HDLBP: variants seen among roughly 807,000 people sequenced by gnomAD.
The protein encoded by HDLBP is high density lipoprotein binding protein, also known as vigilin.
HDLBP carries 30 observed loss-of-function variants against 137.3 expected under a neutral mutation model. That is an observed-to-expected ratio of 0.22 (90% confidence interval 0.16 to 0.30). HDLBP has a LOEUF of 0.30. HDLBP is among the 10% of genes least tolerant of loss of function. The probability of loss-of-function intolerance (pLI) is 1.00; values close to 1 mark genes in which losing one functional copy is unlikely to be tolerated. For missense variants in HDLBP, 1,119 were observed against 1,667.3 expected (o/e 0.67, Z 5.73); for synonymous variants, 606 against 596.0 (o/e 1.02, Z -0.24).
At position 241,239,533 on chromosome 2, in the gene HDLBP, A is replaced by C; in HGVS notation, c.2610+69T>G. The C allele has an allele frequency of 7.8e-7, 1 of 1,287,572 alleles. No homozygotes were observed. The allele number at this position is 1,287,572 out of a possible 1,614,324, so 79.8% of individuals were successfully genotyped here. A position where few individuals can be genotyped will look rare whatever the true frequency, so the allele number is the denominator to read the frequency against. On this transcript the variant is annotated intron_variant, in intron 19 of 27. Coordinates refer to ENST00000310931, the MANE Select transcript of HDLBP (RefSeq NM_005336.6). The surrounding 1 kb of genome is among the most constrained non-coding windows in gnomAD (Gnocchi z 4.6). The stretch of plus-strand genomic sequence containing the variant: ...CACCTCCCTACAGGGTGGAGCGAAC[A>C]CTCATACACGGCTTCGGTGAGTGGC...
intron 1 of HDLBP, among the ~76,000 whole-genome samples, chr2:241,294,305 G>A (rs1428283143): frequency 6.6e-6 from 1 of 152,126 alleles, no homozygotes; most frequent in Non-Finnish European, 1.5e-5. Context: ...CCATGCAGCT[G>A]AGCCATTCTA....
chr2:241,257,505 G>A (rs772276765), intron 5 of HDLBP, among the ~76,000 whole-genome samples: 13 of 152,068 alleles, frequency 8.5e-5, no homozygotes, highest in South Asian at 2.1e-4. Flanking sequence ...TGCTGGGATT[G>A]CAGGTGTGAG....
chr2:241,230,020 C>G lies in HDLBP; in HGVS notation c.3592-59G>C. The G allele has an allele frequency of 6.4e-7, 1 of 1,574,570 alleles. No individual in the cohort carries two copies. The highest frequency in any genetic ancestry group is 8.6e-7 in the Non-Finnish European group (1 of 1,158,424). Reference sequence around the variant, plus strand: ...TGCCCAGCACCCCCAGCATCCCGCCCGCCTGCTCACCCCTGCACCTCGCCT... The same window carrying G: ...TGCCCAGCACCCCCAGCATCCCGCCGGCCTGCTCACCCCTGCACCTCGCCT... On this transcript the variant is annotated intron_variant, in intron 26 of 27. Coordinates refer to ENST00000310931, the MANE Select transcript of HDLBP (RefSeq NM_005336.6). This position sits in a 1 kb window ranked among gnomAD's most constrained non-coding sequence, Gnocchi z 5.0.
chr2:241,292,004 G>C (rs577130386), intron 1 of HDLBP, among the ~76,000 whole-genome samples: 5 of 152,292 alleles, frequency 3.3e-5, no homozygotes, highest in African/African-American at 1.2e-4. Context: ...CAATAGGAAA[G>C]TAATACACCA....
chr2:241,237,043 T>C (rs2070618200), intron 20 of HDLBP, among the ~76,000 whole-genome samples: 1 of 150,676 alleles, frequency 6.6e-6, no homozygotes, highest in Non-Finnish European at 1.5e-5. Context: ...GTCTCCCTTC[T>C]TCACCTTGAA....
At position 241,295,714 on chromosome 2, in the gene HDLBP, A is replaced by T. The variant is rs113559443; in HGVS notation, c.-103+19856T>A. 9.6e-4 allele frequency among the ~76,000 whole-genome samples: 146 copies of T among 152,312 alleles called. 2 individuals carry two copies. Among genetic ancestry groups the T allele is most frequent in the African/African-American group, 3.1e-3 (127 of 41,564 alleles). ...CTTTTCAGATGACATTAAGTGAAAG[A>T]TACTAAGATGAGGAGATGATCCTGG... On this transcript the variant is annotated intron_variant, in intron 1 of 27. Transcript: ENST00000310931.
Position 241,242,503 on chromosome 2 carries a change from A to C in HDLBP, c.2126T>G (p.Val709Gly). The part of the protein sequence containing the change: ...TVVIRGPSSD[V>G]EKAKKQLLHL... The stretch of plus-strand genomic sequence containing the variant: ...CAGGAGCTGCTTCTTGGCCTTCTCC[A>C]CATCCGAGGAAGGGCCCCTGATAAC... Residue 709 changes from valine (V) to glycine (G), a missense_variant, in exon 17 of 28, where the codon GTG becomes GGG. Physicochemically the swap from Val to Gly is moderately radical, Grantham distance 109 (BLOSUM62 -3). Transcript: ENST00000310931. 1 of 1,614,000 alleles carries C rather than the reference A, an allele frequency of 6.2e-7. No individual in the cohort carries two copies. The highest frequency in any genetic ancestry group is 2.2e-5 in the East Asian group (1 of 44,888).
chr2:241,238,859 CT>C lies in HDLBP; in HGVS notation c.2611-73del. On this transcript the variant is annotated intron_variant, in intron 19 of 27. Coordinates refer to ENST00000310931, the MANE Select transcript of HDLBP (RefSeq NM_005336.6). This position sits in a 1 kb window ranked among gnomAD's most constrained non-coding sequence, Gnocchi z 4.9. ...TCCTTAGGGCAAGTTTTACAGCACTCTTCACACCACCTTCCTCCCTGTCCTC... is the reference window on the plus strand; with the variant it reads ...TCCTTAGGGCAAGTTTTACAGCACTCTCACACCACCTTCCTCCCTGTCCTC... 8.0e-7 allele frequency: 1 copy of C among 1,253,144 alleles called. No homozygotes were observed. Among genetic ancestry groups the C allele is most frequent in the South Asian group, 1.7e-5 (1 of 57,660 alleles). The allele number at this position is 1,253,144 out of a possible 1,614,324, so 77.6% of individuals were successfully genotyped here.
intron 1 of HDLBP, chr2:241,273,320 C>A: frequency 1.2e-6 from 1 of 825,414 alleles, no homozygotes; most frequent in Non-Finnish European, 1.5e-6. Context: ...ATAAACTATC[C>A]CCACCCGATT....
At chr2:241,280,708 C>T (rs2074563979) in intron 1 of HDLBP, among the ~76,000 whole-genome samples, 1 of 152,178 alleles carries the variant, frequency 6.6e-6, no homozygotes, top group Non-Finnish European at 1.5e-5. Flanking sequence ...GAATCTTGCT[C>T]AGATATAATT....
chr2:241,308,944 C>A (rs1024389762), intron 1 of HDLBP, among the ~76,000 whole-genome samples: 2 of 152,194 alleles, frequency 1.3e-5, no homozygotes, highest in African/African-American at 4.8e-5. Context: ...GTCTCCTACA[C>A]CCTCTGGTCC....
At chr2:241,285,545 C>T (rs1358944348) in intron 1 of HDLBP, among the ~76,000 whole-genome samples, 1 of 152,208 alleles carries the variant, frequency 6.6e-6, no homozygotes, top group East Asian at 1.9e-4. Context: ...GCCCTGAACA[C>T]CGATCCCCAC....
intron 12 of HDLBP, chr2:241,249,470 G>T: frequency 2.0e-6 from 1 of 489,592 alleles, no homozygotes; most frequent in Non-Finnish European, 4.2e-6. Context: ...CTTCAGGTTT[G>T]CAGTGATCCT....
At chr2:241,304,467 G>A (rs2075503010) in intron 1 of HDLBP, among the ~76,000 whole-genome samples, 1 of 152,230 alleles carries the variant, frequency 6.6e-6, no homozygotes, top group South Asian at 2.1e-4. Context: ...ATCCCCCGAA[G>A]GCAGCCACAG....
chr2:241,235,517 C>A lies in HDLBP; in HGVS notation c.2982G>T (p.Gly994=), dbSNP rs1306376747. The change falls in exon 22 of 28, where the codon GGG becomes GGT. Residue 994 remains glycine (G), a synonymous_variant. Transcript: ENST00000310931. ...HRYVIGQKGS[G]IRKMMDEFEV... is the part of the protein sequence containing the mutation. ...CAAACTCATCCATCATCTTGCGGATCCCACTTCCTTTCTGCCCAATAACGT... is the reference window on the plus strand; with the variant it reads ...CAAACTCATCCATCATCTTGCGGATACCACTTCCTTTCTGCCCAATAACGT... 1.9e-6 allele frequency: 3 copies of A among 1,613,958 alleles called. No individual in the cohort carries two copies. The African/African-American group carries it at 4.0e-5, about 22-fold the overall frequency.
chr2:241,280,682 A>G (rs1411821642), intron 1 of HDLBP, among the ~76,000 whole-genome samples: 1 of 152,242 alleles, frequency 6.6e-6, no homozygotes, highest in East Asian at 1.9e-4. Flanking sequence ...ACTTGTTGCC[A>G]GGATACCTGC....
rs140000108 is a variant in HDLBP, at chr2:241,262,697, C to T, written c.450+14G>A. Reference sequence around the variant, plus strand: ...ACACAGTCACTGGGGAGAAGTAGGCCTCAGGCTACCCACCTGAGTCTGCAG... The same window carrying T: ...ACACAGTCACTGGGGAGAAGTAGGCTTCAGGCTACCCACCTGAGTCTGCAG... On this transcript the variant is annotated intron_variant, in intron 5 of 27. Transcript: ENST00000310931. The T allele has an allele frequency of 9.6e-5, 154 of 1,605,896 alleles. No homozygotes were observed. The African/African-American group carries it at 1.6e-3, about 17-fold the overall frequency.
chr2:241,286,583 T>A (rs10933546), intron 1 of HDLBP, among the ~76,000 whole-genome samples: 48,223 of 151,928 alleles, frequency 0.32, 8,386 homozygotes, highest in East Asian at 0.51. Flanking sequence ...CTGACTGATG[T>A]CTCATGTCTC....
chr2:241,246,623 T>C, intron 16 of HDLBP, 129 bp downstream of exon 16: 1 of 886,618 alleles, frequency 1.1e-6, no homozygotes, highest in Non-Finnish European at 1.8e-6. Context: ...TAGCCTGGAT[T>C]GAAAGGTGCA....
Sources: gnomAD v4.1 joint callset for allele counts (sites outside exome capture counted in the v4.1 genomes callset) on GRCh38, gnomAD v4.1.1 for gene constraint, Gnocchi (gnomAD v3.1) non-coding constraint, MANE v1.5 for transcripts, NCBI Gene and HGNC (gene_info 2026-07-23, HGNC 2026-07-21) for gene names.